GALNTL6: variants seen among roughly 807,000 people sequenced by gnomAD.
The protein encoded by GALNTL6 is polypeptide N-acetylgalactosaminyltransferase-like 6.
GALNTL6 carries 46 observed loss-of-function variants against 73.7 expected under a neutral mutation model. The observed-to-expected ratio is 0.62, with a 90% CI of 0.49 to 0.80. The LOEUF is 0.80. Among genes scored for constraint, GALNTL6 ranks in the 30% least tolerant of loss-of-function variants. The pLI is 0.00. For synonymous variants in GALNTL6, 259 were observed against 263.7 expected (o/e 0.98, Z 0.17); for missense variants, 604 against 755.0 (o/e 0.80, Z 2.34).
chr4:172,054,768 C>T (rs532423193), intron 2 of GALNTL6, among the ~76,000 whole-genome samples: 13 of 152,210 alleles, frequency 8.5e-5, no homozygotes, highest in Admixed American at 2.0e-4. Flanking sequence ...ATAAAGGAAA[C>T]CTAAATAATG....
At chr4:171,855,997 AAT>A (rs1735680216) in intron 2 of GALNTL6, among the ~76,000 whole-genome samples, 3 of 152,222 alleles carry the variant, frequency 2.0e-5, no homozygotes, top group Non-Finnish European at 4.4e-5. Flanking sequence ...TATTTTGAAT[AAT>A]AATTCTTTAT....
intron 2 of GALNTL6, among the ~76,000 whole-genome samples, chr4:172,074,101 A>G (rs187113371): frequency 4.9e-4 from 74 of 152,346 alleles, no homozygotes; most frequent in African/African-American, 1.7e-3. Flanking sequence ...AGTAAGAACC[A>G]CAGAACAATT....
chr4:172,953,593 G>A (rs1369507138), intron 10 of GALNTL6, among the ~76,000 whole-genome samples: 1 of 152,200 alleles, frequency 6.6e-6, no homozygotes, highest in Non-Finnish European at 1.5e-5. Flanking sequence ...GTTCCTGGGT[G>A]AGCTGTTCCA....
At chr4:172,749,092 G>C (rs1424127312) in intron 5 of GALNTL6, among the ~76,000 whole-genome samples, 1 of 147,192 alleles carries the variant, frequency 6.8e-6, no homozygotes, top group African/African-American at 2.5e-5. Context: ...GTTGTTGTTT[G>C]TTTTTTTTTT....
At chr4:172,743,928 T>C (rs981981165) in intron 5 of GALNTL6, among the ~76,000 whole-genome samples, 10 of 152,130 alleles carry the variant, frequency 6.6e-5, no homozygotes, top group African/African-American at 2.4e-4. Flanking sequence ...ATAGAATTCA[T>C]CACCTTTCAT....
Position 172,325,092 on chromosome 4 carries a change from T to C in GALNTL6, c.386+13340T>C, listed in dbSNP as rs201434323. On this transcript the variant is annotated intron_variant, in intron 4 of 12. Coordinates refer to ENST00000506823, the MANE Select transcript of GALNTL6 (RefSeq NM_001034845.3). ...GAACAGATTAATTAAATTTCTAAAT[T>C]CCAAAAAGTATTTCTAAGAAAAAAA... Among the ~76,000 whole-genome samples, 123 of 151,396 alleles carry C rather than the reference T, an allele frequency of 8.1e-4. 2 individuals carry two copies. The South Asian group carries it at 0.016, about 19-fold the overall frequency.
At chr4:172,653,387 T>C (rs1392822369) in intron 5 of GALNTL6, among the ~76,000 whole-genome samples, 1 of 151,934 alleles carries the variant, frequency 6.6e-6, no homozygotes, top group African/African-American at 2.4e-5. Flanking sequence ...ACCTGGCTAA[T>C]TTTTTGTATT....
chr4:172,291,876 A>G (rs1175111284), intron 3 of GALNTL6, among the ~76,000 whole-genome samples: 1 of 152,184 alleles, frequency 6.6e-6, no homozygotes, highest in Non-Finnish European at 1.5e-5. Flanking sequence ...AAGTTGAAGT[A>G]AAACAATTCA....
chr4:172,398,587 TAAGTTA>T (rs1743929594), intron 5 of GALNTL6, among the ~76,000 whole-genome samples: 1 of 152,156 alleles, frequency 6.6e-6, no homozygotes, highest in Non-Finnish European at 1.5e-5. Context: ...CTGACAGTAC[TAAGTTA>T]AAGAGTATGT....
chr4:172,346,772 T>C (rs553321418), intron 4 of GALNTL6, among the ~76,000 whole-genome samples: 43 of 152,280 alleles, frequency 2.8e-4, no homozygotes, highest in African/African-American at 1.0e-3. Flanking sequence ...AATGAATGAA[T>C]AGAATGGATC....
chr4:173,031,387 A>C (rs964907187), intron 12 of GALNTL6, among the ~76,000 whole-genome samples: 1 of 152,200 alleles, frequency 6.6e-6, no homozygotes, highest in Non-Finnish European at 1.5e-5. Context: ...TACACTGTAC[A>C]TTTCTGTACT....
chr4:172,926,688 A>G (rs954017370), intron 8 of GALNTL6, among the ~76,000 whole-genome samples: 36 of 152,194 alleles, frequency 2.4e-4, no homozygotes, highest in African/African-American at 8.4e-4. Context: ...AGATGATAAG[A>G]AAGTTTCTTT....
intron 5 of GALNTL6, among the ~76,000 whole-genome samples, chr4:172,395,176 C>A (rs150314780): frequency 6.6e-6 from 1 of 152,264 alleles, no homozygotes; most frequent in Non-Finnish European, 1.5e-5. Context: ...GCCATCACTA[C>A]CATTCCTTAG....
intron 5 of GALNTL6, among the ~76,000 whole-genome samples, chr4:172,515,906 C>T (rs530712975): frequency 6.6e-6 from 1 of 152,312 alleles, no homozygotes; most frequent in African/African-American, 2.4e-5. Flanking sequence ...TTGCACTCTG[C>T]TCGAACCCTT....
intron 5 of GALNTL6, among the ~76,000 whole-genome samples, chr4:172,730,859 T>C (rs1182273407): frequency 6.6e-6 from 1 of 152,028 alleles, no homozygotes; most frequent in Admixed American, 6.6e-5. Context: ...GGCGGGCGGA[T>C]CACGAGGTCA....
chr4:172,000,435 C>T (rs1409784851), intron 2 of GALNTL6, among the ~76,000 whole-genome samples: 1 of 152,086 alleles, frequency 6.6e-6, no homozygotes, highest in African/African-American at 2.4e-5. Flanking sequence ...GTTTATCCAT[C>T]AATTTCCATT....
At chr4:172,900,125 G>A (rs1203436686) in intron 8 of GALNTL6, among the ~76,000 whole-genome samples, 1 of 152,076 alleles carries the variant, frequency 6.6e-6, no homozygotes, top group Admixed American at 6.6e-5. Context: ...GAGTTGTTCT[G>A]GTTAAAACGC....
chr4:172,042,045 G>A lies in GALNTL6; in HGVS notation c.139-187611G>A, dbSNP rs191171303. On this transcript the variant is annotated intron_variant, in intron 2 of 12. Transcript: ENST00000506823. ...TGAAAAGGTCATGTGTAGAAAGCAA[G>A]GGGTATTCAGCCACCTTCCAGCTGC... Among the ~76,000 whole-genome samples, 112 of 152,072 alleles carry A rather than the reference G, an allele frequency of 7.4e-4. 1 individual carries two copies. The East Asian group carries it at 0.018, about 25-fold the overall frequency.
At position 173,014,514 on chromosome 4, in the gene GALNTL6, G is replaced by T. The variant is rs1193048876; in HGVS notation, c.1488+5220G>T. Among the ~76,000 whole-genome samples, 3 of 152,318 alleles carry T rather than the reference G, an allele frequency of 2.0e-5. No individual in the cohort carries two copies. In the East Asian group the frequency reaches 5.8e-4, roughly 29 times the overall value. ...GCTCCCTCTCCAGGGCCTAGGGGAA[G>T]GTTCACAAAGACAGAAGCAAGCAAA... On this transcript the variant is annotated intron_variant, in intron 11 of 12. Coordinates refer to ENST00000506823, the MANE Select transcript of GALNTL6 (RefSeq NM_001034845.3).
Sources: allele counts gnomAD v4.1 joint callset (sites outside exome capture counted in the v4.1 genomes callset), GRCh38; gene constraint gnomAD v4.1.1; transcripts MANE v1.5; gene names NCBI Gene and HGNC (gene_info 2026-07-23, HGNC 2026-07-21).